The following RERE variants were observed in gnomAD, a reference collection of about 807,000 sequenced individuals.
RERE encodes the protein arginine-glutamic acid dipeptide repeats, also known as arginine-glutamic acid dipeptide repeats protein.
A neutral mutation model predicts 146.1 loss-of-function variants in RERE; 40 were observed. The ratio of observed to expected loss-of-function variants is 0.27; its 90% confidence interval spans 0.21 to 0.36. The LOEUF is 0.36. RERE is among the 10% of genes least tolerant of loss of function. The pLI, the probability that RERE is intolerant of heterozygous loss-of-function variation, is 1.00. For missense variants in RERE, 1,933 were observed against 2,138.7 expected (o/e 0.90, Z 1.90); for synonymous variants, 1,003 against 866.0 (o/e 1.16, Z -2.78).
intron 12 of RERE, among the ~76,000 whole-genome samples, chr1:8,420,482 G>A (rs1472065105): frequency 6.6e-6 from 1 of 152,200 alleles, no homozygotes; most frequent in Non-Finnish European, 1.5e-5. Flanking sequence ...CCTGTGGGCT[G>A]TGAATGATTA....
At chr1:8,570,356 A>T (rs1427920440) in intron 4 of RERE, among the ~76,000 whole-genome samples, 2 of 152,066 alleles carry the variant, frequency 1.3e-5, no homozygotes, top group African/African-American at 2.4e-5. Flanking sequence ...TAAAAATAAA[A>T]AAATAAATTT....
chr1:8,389,667 A>G (rs1439103548), intron 12 of RERE, among the ~76,000 whole-genome samples: 4 of 152,230 alleles, frequency 2.6e-5, no homozygotes, highest in Non-Finnish European at 5.9e-5. Context: ...TTTGAGGTTC[A>G]TGTTGGGAGG....
chr1:8,647,822 A>G (rs1647399674), intron 2 of RERE, among the ~76,000 whole-genome samples: 2 of 152,194 alleles, frequency 1.3e-5, no homozygotes, highest in Admixed American at 1.3e-4. Context: ...CACAGACCTC[A>G]GTGAAGACGC....
chr1:8,692,946 A>C (rs995993467), intron 1 of RERE, among the ~76,000 whole-genome samples: 6 of 152,196 alleles, frequency 3.9e-5, no homozygotes, highest in Non-Finnish European at 7.3e-5. Context: ...GTAATGCATA[A>C]GATTTATGGT....
chr1:8,713,430 AT>A (rs956381304), intron 1 of RERE, among the ~76,000 whole-genome samples: 7 of 152,244 alleles, frequency 4.6e-5, no homozygotes, highest in African/African-American at 1.7e-4. Flanking sequence ...TAAGAAAAAA[AT>A]TTTTTTTAAT....
rs998317383 is a variant in RERE, at chr1:8,377,298, C to T, written c.1285-11324G>A. On this transcript the variant is annotated intron_variant, in intron 12 of 22. Coordinates refer to ENST00000400908, the MANE Select transcript of RERE (RefSeq NM_001042681.2). Reference sequence around the variant, plus strand: ...CCCCTTGGAGGCTTGTATTTCTAAACCTCTTGGAGGTTTATTTCTTGTTTT... The same window carrying T: ...CCCCTTGGAGGCTTGTATTTCTAAATCTCTTGGAGGTTTATTTCTTGTTTT... Among the ~76,000 whole-genome samples, 9 of 146,528 alleles carry T rather than the reference C, an allele frequency of 6.1e-5. No individual in the cohort carries two copies. In the East Asian group the frequency reaches 7.7e-4, roughly 13 times the overall value.
At chr1:8,716,446 G>A (rs575718616) in intron 1 of RERE, among the ~76,000 whole-genome samples, 30 of 152,140 alleles carry the variant, frequency 2.0e-4, no homozygotes, top group Non-Finnish European at 4.3e-4. Flanking sequence ...CTCCAGCCTG[G>A]GCAACAGAGC....
chr1:8,451,556 T>C (rs932916098), intron 11 of RERE, among the ~76,000 whole-genome samples: 6 of 152,204 alleles, frequency 3.9e-5, no homozygotes, highest in African/African-American at 1.4e-4. Context: ...TGGAAACTTG[T>C]ACCCCAGATG....
At chr1:8,516,148 C>T (rs1047321885) in intron 7 of RERE, among the ~76,000 whole-genome samples, 4 of 142,544 alleles carry the variant, frequency 2.8e-5, no homozygotes, top group Admixed American at 2.2e-4. Flanking sequence ...TTGCTCAAAC[C>T]CAGGAGATGG....
rs965711919 is a variant in RERE at position 8,513,437 on chromosome 1, T to A, written c.831-4762A>T. 3.9e-4 allele frequency among the ~76,000 whole-genome samples: 60 copies of A among 152,212 alleles called. 2 individuals carry two copies. Among genetic ancestry groups the A allele is most frequent in the Admixed American group, 3.9e-3 (60 of 15,272 alleles). The stretch of plus-strand genomic sequence containing the variant: ...GCAATATATTGTTGTGGTTAAATTA[T>A]ATGAAGATAATACAGCCTAACACAG... On this transcript the variant is annotated intron_variant, in intron 7 of 22. Coordinates refer to ENST00000400908, the MANE Select transcript of RERE (RefSeq NM_001042681.2).
chr1:8,638,377 G>C (rs1347957459), intron 2 of RERE, among the ~76,000 whole-genome samples: 1 of 152,178 alleles, frequency 6.6e-6, no homozygotes, highest in Admixed American at 6.5e-5. Flanking sequence ...CATAAATGAA[G>C]TGAATGCTGA....
intron 12 of RERE, among the ~76,000 whole-genome samples, chr1:8,392,673 G>C (rs527241965): frequency 6.6e-6 from 1 of 152,074 alleles, no homozygotes; most frequent in African/African-American, 2.4e-5. Flanking sequence ...TATGAGGGAC[G>C]TGGAGGCCCT....
intron 1 of RERE, among the ~76,000 whole-genome samples, chr1:8,743,788 C>A (rs984450280): frequency 2.0e-5 from 3 of 152,048 alleles, no homozygotes; most frequent in African/African-American, 7.2e-5. Context: ...CCCAGTTATT[C>A]TTTAGGCCCA....
At chr1:8,474,352 C>T (rs543152705) in intron 10 of RERE, among the ~76,000 whole-genome samples, 129 of 152,272 alleles carry the variant, frequency 8.5e-4, no homozygotes, top group African/African-American at 2.9e-3. Context: ...TCCACCTTAA[C>T]GCATGGTTAT....
At chr1:8,779,974 T>C (rs1346288030) in intron 1 of RERE, among the ~76,000 whole-genome samples, 1 of 152,012 alleles carries the variant, frequency 6.6e-6, no homozygotes, top group Non-Finnish European at 1.5e-5. Flanking sequence ...GCAGATCACT[T>C]GAGGCCAGGA....
chr1:8,552,216 A>G (rs1439680374), intron 6 of RERE, among the ~76,000 whole-genome samples: 1 of 152,200 alleles, frequency 6.6e-6, no homozygotes, highest in Non-Finnish European at 1.5e-5. Flanking sequence ...CACCATGGCT[A>G]AAGGATAAAG....
At chr1:8,602,307 C>T (rs1214929773) in intron 4 of RERE, among the ~76,000 whole-genome samples, 1 of 151,680 alleles carries the variant, frequency 6.6e-6, no homozygotes, top group African/African-American at 2.4e-5. Context: ...AGGAGAATCA[C>T]TTGAACCTGG....
At chr1:8,777,902 A>C (rs1489740935) in intron 1 of RERE, among the ~76,000 whole-genome samples, 1 of 151,820 alleles carries the variant, frequency 6.6e-6, no homozygotes, top group African/African-American at 2.4e-5. Context: ...AAAAAAAAAA[A>C]AAACTTCAAC....
At position 8,360,139 on chromosome 1, in the gene RERE, G is replaced by C. The variant is rs566753880; in HGVS notation, c.3368C>G (p.Thr1123Ser). ...SPSPEPTVVD[T>S]PSHASQSARF... ...AGCTGACTGGCTGGCGTGACTGGGG[G>C]TGTCCACCACAGTGGGCTCCGGGGA... The change falls in exon 18 of 23, where the codon ACC becomes AGC. Residue 1123 changes from threonine to serine, a missense_variant. Physicochemically the swap from Thr to Ser is moderately conservative, Grantham distance 58. Transcript: ENST00000400908. 7.5e-6 allele frequency: 12 copies of C among 1,589,798 alleles called. No individual in the cohort carries two copies. Among genetic ancestry groups the C allele is most frequent in the African/African-American group, 2.7e-5 (2 of 74,536 alleles).
Sources: gnomAD v4.1 joint callset for allele counts (sites outside exome capture counted in the v4.1 genomes callset) on GRCh38, gnomAD v4.1.1 for gene constraint, MANE v1.5 for transcripts, NCBI Gene and HGNC (gene_info 2026-07-23, HGNC 2026-07-21) for gene names.